RPS6KA2: variants seen among roughly 807,000 people sequenced by gnomAD.
RPS6KA2 encodes ribosomal protein S6 kinase alpha-2.
RPS6KA2 carries 42 observed loss-of-function variants against 91.8 expected under a neutral mutation model. That is an observed-to-expected ratio of 0.46 (90% CI 0.36 to 0.59). The LOEUF (loss-of-function observed/expected upper bound fraction) is 0.59. Among genes scored for constraint, RPS6KA2 ranks in the 20% least tolerant of loss-of-function variants. RPS6KA2 has a pLI of 0.00. For synonymous variants in RPS6KA2, 414 were observed against 393.6 expected, an observed-to-expected ratio of 1.05 and a Z score of -0.61; for missense variants, 798 against 978.5, an observed-to-expected ratio of 0.82 and a Z score of 2.46.
intron 1 of RPS6KA2, among the ~76,000 whole-genome samples, chr6:166,861,885 G>A (rs1781053962): frequency 6.6e-6 from 1 of 152,234 alleles, no homozygotes; most frequent in Admixed American, 6.5e-5. Flanking sequence ...TATCATTTAT[G>A]TATTTACACC....
chr6:166,744,927 A>T (rs923011722), intron 2 of RPS6KA2, among the ~76,000 whole-genome samples: 1 of 152,090 alleles, frequency 6.6e-6, no homozygotes, highest in African/African-American at 2.4e-5. Flanking sequence ...TCATGGGTGC[A>T]CTGGGCTGTA....
At chr6:166,803,485 T>G (rs1259302231) in intron 2 of RPS6KA2, among the ~76,000 whole-genome samples, 2 of 152,212 alleles carry the variant, frequency 1.3e-5, no homozygotes. Flanking sequence ...GCAACCCACA[T>G]GTTATGAGGC....
chr6:166,529,804 C>A (rs1583245290), intron 3 of RPS6KA2, among the ~76,000 whole-genome samples: 1 of 152,156 alleles, frequency 6.6e-6, no homozygotes, highest in Admixed American at 6.5e-5. Flanking sequence ...CAGTCCTCTC[C>A]CCGCCCCCAA....
intron 2 of RPS6KA2, among the ~76,000 whole-genome samples, chr6:166,683,547 G>A (rs531756092): frequency 6.6e-6 from 1 of 152,296 alleles, no homozygotes; most frequent in Admixed American, 6.5e-5. Context: ...AGATTTTACT[G>A]GGAATAAATC....
intron 16 of RPS6KA2, among the ~76,000 whole-genome samples, chr6:166,425,554 G>A (rs148581703): frequency 1.3e-5 from 2 of 151,966 alleles, no homozygotes; most frequent in East Asian, 1.9e-4. Context: ...TTCAGGAAAC[G>A]CATCTCACGT....
chr6:166,794,342 A>AC (rs1779168906), intron 2 of RPS6KA2, among the ~76,000 whole-genome samples: 1 of 152,180 alleles, frequency 6.6e-6, no homozygotes, highest in Non-Finnish European at 1.5e-5. Context: ...GATCATTAAA[A>AC]AGTGAGGAAA....
chr6:166,475,885 G>A, intron 10 of RPS6KA2: 1 of 518,616 alleles, frequency 1.9e-6, no homozygotes, highest in Non-Finnish European at 4.0e-6. Flanking sequence ...ATTTCTGGTA[G>A]TCTGGACATG....
chr6:166,796,131 C>A (rs1223781177), intron 2 of RPS6KA2, among the ~76,000 whole-genome samples: 1 of 152,202 alleles, frequency 6.6e-6, no homozygotes, highest in East Asian at 1.9e-4. Context: ...TATTAATTCC[C>A]TCCTCGGGGA....
In RPS6KA2 at chr6:166,459,387, A is replaced by G; in HGVS notation, c.1075+62T>C. The G allele has an allele frequency of 6.4e-6, 6 of 944,014 alleles. No individual in the cohort carries two copies. In the South Asian group the frequency reaches 8.5e-5, roughly 13 times the overall value. 58.5% of individuals were successfully genotyped at this position (944,014 alleles called of 1,614,324 possible). A position where few individuals can be genotyped will look rare whatever the true frequency, so the allele number is the denominator to read the frequency against. ...GCATGGGAATTTCTTGTTCCTAGAT[A>G]TCTGTCTCTAAGGGGTCAGGTGGGA... is the stretch of plus-strand genomic sequence containing the variant. On this transcript the variant is annotated intron_variant, in intron 12 of 20. Transcript: ENST00000265678. The surrounding 1 kb of genome is among the most constrained non-coding windows in gnomAD (Gnocchi z 4.9).
chr6:166,706,313 G>T (rs1789680245), intron 2 of RPS6KA2, among the ~76,000 whole-genome samples: 1 of 152,118 alleles, frequency 6.6e-6, no homozygotes, highest in Non-Finnish European at 1.5e-5. Context: ...CAAAAAACAG[G>T]CCAGGAATGA....
chr6:166,709,346 G>C (rs1479211297), intron 2 of RPS6KA2, among the ~76,000 whole-genome samples: 1 of 152,132 alleles, frequency 6.6e-6, no homozygotes, highest in Non-Finnish European at 1.5e-5. Flanking sequence ...TAAACACATG[G>C]GCTGAGTAAG....
intron 14 of RPS6KA2, among the ~76,000 whole-genome samples, chr6:166,447,892 C>T (rs925517975): frequency 4.0e-5 from 6 of 151,746 alleles, no homozygotes; most frequent in Non-Finnish European, 8.8e-5. Flanking sequence ...TTTGGCTCCA[C>T]TGGAAAGGGG....
At chr6:166,465,552 C>T (rs530744055) in intron 11 of RPS6KA2, among the ~76,000 whole-genome samples, 5 of 152,324 alleles carry the variant, frequency 3.3e-5, no homozygotes, top group Non-Finnish European at 7.4e-5. Context: ...AAGACCATCA[C>T]GGAGCGGGAC....
intron 10 of RPS6KA2, among the ~76,000 whole-genome samples, chr6:166,488,196 G>A (rs1016316804): frequency 6.6e-6 from 1 of 150,472 alleles, no homozygotes; most frequent in Non-Finnish European, 1.5e-5. Context: ...TCTAGTTGCT[G>A]TCTAAACCGG....
At chr6:166,454,917 G>T (rs1411544357) in intron 12 of RPS6KA2, among the ~76,000 whole-genome samples, 1 of 149,616 alleles carries the variant, frequency 6.7e-6, no homozygotes, top group Admixed American at 6.7e-5. Flanking sequence ...CACTAAAATA[G>T]AATACTATAA....
intron 10 of RPS6KA2, among the ~76,000 whole-genome samples, chr6:166,478,337 G>A (rs1156760323): frequency 6.6e-6 from 1 of 152,218 alleles, no homozygotes; most frequent in Non-Finnish European, 1.5e-5. Context: ...GCTTGGTCTT[G>A]AAAGAGGAGT....
intron 2 of RPS6KA2, among the ~76,000 whole-genome samples, chr6:166,775,728 G>T (rs1029250976): frequency 3.3e-5 from 5 of 152,224 alleles, no homozygotes; most frequent in Admixed American, 6.5e-5. Context: ...TGCAGCCCGG[G>T]GATCTTCTCT....
At chr6:166,474,115 G>A (rs974209182) in intron 10 of RPS6KA2, among the ~76,000 whole-genome samples, 1 of 152,080 alleles carries the variant, frequency 6.6e-6, no homozygotes, top group African/African-American at 2.4e-5. Flanking sequence ...CTGGGCATGG[G>A]TCTCTAGCGG....
intron 2 of RPS6KA2, among the ~76,000 whole-genome samples, chr6:166,747,681 A>G (rs1791064496): frequency 6.6e-6 from 1 of 152,188 alleles, no homozygotes. Context: ...AGGTGGCCAC[A>G]CAGCATAGCT....
Sources: allele counts gnomAD v4.1 joint callset (sites outside exome capture counted in the v4.1 genomes callset), GRCh38; gene constraint gnomAD v4.1.1; non-coding constraint Gnocchi (gnomAD v3.1); transcripts MANE v1.5; gene names NCBI Gene and HGNC (gene_info 2026-07-23, HGNC 2026-07-21).